The following WDR20 variants were observed in gnomAD, a reference collection of about 807,000 sequenced individuals.
WDR20 encodes the protein WD repeat-containing protein 20.
A neutral mutation model predicts 38.7 loss-of-function variants in WDR20; 3 were observed. The observed-to-expected ratio is 0.08, with a 90% CI of 0.04 to 0.20. The LOEUF is 0.20. Among genes scored for constraint, WDR20 ranks in the 10% least tolerant of loss-of-function variants. The pLI is 1.00. For synonymous variants in WDR20, 298 were observed against 285.6 expected, an observed-to-expected ratio of 1.04 and a Z score of -0.44; for missense variants, 559 against 727.7, an observed-to-expected ratio of 0.77 and a Z score of 2.67.
rs1312564856 is a variant in WDR20 at position 102,153,310 on chromosome 14, T to TC, written c.249+13138_249+13139insC. Among the ~76,000 whole-genome samples the TC allele has an allele frequency of 2.7e-5, 4 of 147,906 alleles. No individual in the cohort carries two copies. The East Asian group carries it at 7.9e-4, about 29-fold the overall frequency. On this transcript the variant is annotated intron_variant, in intron 1 of 2. Coordinates refer to ENST00000342702, the MANE Select transcript of WDR20 (RefSeq NM_144574.4). ...CATGAGCCAGTGAAACCTCTTTCTTTTTTTTTTTTTTTTTGAGATGGAGTC... is the reference window on the plus strand; with the variant it reads ...CATGAGCCAGTGAAACCTCTTTCTTTCTTTTTTTTTTTTTTGAGATGGAGTC...
chr14:102,143,096 C>T (rs1352791116), intron 1 of WDR20, among the ~76,000 whole-genome samples: 1 of 151,898 alleles, frequency 6.6e-6, no homozygotes, highest in Non-Finnish European at 1.5e-5. Flanking sequence ...GTTATTTCAC[C>T]CTCCTCAGAG....
chr14:102,208,523 A>G lies in WDR20; in HGVS notation c.433-80A>G. On this transcript the variant is annotated intron_variant, in intron 2 of 2. Transcript: ENST00000342702. The surrounding 1 kb of genome is among the most constrained non-coding windows in gnomAD (Gnocchi z 5.6). The stretch of plus-strand genomic sequence containing the variant: ...ATAGACTTGCCCCTTCCCATCGAGA[A>G]GCACACAAGTTTTCTTGCTGGAAAA... The G allele has an allele frequency of 6.6e-7, 1 of 1,505,470 alleles. No individual in the cohort carries two copies. The allele number at this position is 1,505,470 out of a possible 1,614,324, so 93.3% of individuals were successfully genotyped here. A position where few individuals can be genotyped will look rare whatever the true frequency, so the allele number is the denominator to read the frequency against.
At chr14:102,213,022 C>A (rs915884414), downstream of WDR20, 10 of 989,982 alleles carry the variant, frequency 1.0e-5, no homozygotes, top group Non-Finnish European at 1.1e-5. Flanking sequence ...CCGCTCCCAC[C>A]CGGCAAGGGG....
downstream of WDR20, chr14:102,212,374 T>G (rs2062657640): frequency 1.1e-6 from 1 of 876,456 alleles, no homozygotes; most frequent in Non-Finnish European, 1.7e-6. Flanking sequence ...CAGGGCCCAG[T>G]GGAGAGCACT....
chr14:102,218,175 TCTTA>T (rs2063457638), downstream of WDR20, among the ~76,000 whole-genome samples: 1 of 152,220 alleles, frequency 6.6e-6, no homozygotes, highest in Admixed American at 6.5e-5. Flanking sequence ...CCTGTGTGCG[TCTTA>T]CTTTTGTTTG....
At chr14:102,186,351 C>T (rs556134101) in intron 1 of WDR20, among the ~76,000 whole-genome samples, 37 of 152,258 alleles carry the variant, frequency 2.4e-4, no homozygotes, top group African/African-American at 8.2e-4. Flanking sequence ...AAACTGTTCG[C>T]CTACACATGA....
At chr14:102,186,096 A>G (rs1034605584) in intron 1 of WDR20, among the ~76,000 whole-genome samples, 1 of 152,256 alleles carries the variant, frequency 6.6e-6, no homozygotes, top group African/African-American at 2.4e-5. Flanking sequence ...ACCCAAGCCT[A>G]ACTGACTTCT....
intron 1 of WDR20, among the ~76,000 whole-genome samples, chr14:102,160,651 T>C (rs1352932503): frequency 1.3e-5 from 2 of 151,944 alleles, no homozygotes; most frequent in Admixed American, 1.3e-4. Flanking sequence ...CTTTAAAAAA[T>C]ATGAATAATG....
intron 2 of WDR20, among the ~76,000 whole-genome samples, chr14:102,199,311 T>G (rs1281852973): frequency 6.6e-6 from 1 of 151,854 alleles, no homozygotes; most frequent in Non-Finnish European, 1.5e-5. Context: ...GCAGGGTGTT[T>G]GTGAAGGGCC....
At chr14:102,147,986 C>T (rs1277009249) in intron 1 of WDR20, among the ~76,000 whole-genome samples, 1 of 152,182 alleles carries the variant, frequency 6.6e-6, no homozygotes, top group Non-Finnish European at 1.5e-5. Context: ...CTGCCTGGGC[C>T]TCCCAAAGTG....
downstream of WDR20, chr14:102,213,038 C>T: frequency 1.0e-6 from 1 of 990,884 alleles, no homozygotes; most frequent in Non-Finnish European, 1.2e-6. Flanking sequence ...AGGGGGCGAG[C>T]TGGTCCCTGG....
intron 1 of WDR20, among the ~76,000 whole-genome samples, chr14:102,181,765 C>T (rs2063441222): frequency 6.6e-6 from 1 of 151,944 alleles, no homozygotes; most frequent in Non-Finnish European, 1.5e-5. Context: ...GAGTGGTAAG[C>T]TTAGCATAGA....
At position 102,210,170 on chromosome 14, in the gene WDR20, G is replaced by T; in HGVS notation, c.*290G>T. Reference sequence around the variant, plus strand: ...CCTGTATTAGACTATTTCAATTTTAGGAAAATCATGACCATGTGGGGAAAC... The same window carrying T: ...CCTGTATTAGACTATTTCAATTTTATGAAAATCATGACCATGTGGGGAAAC... On this transcript the variant is annotated 3_prime_UTR_variant, in exon 3 of 3. Coordinates refer to ENST00000342702, the MANE Select transcript of WDR20 (RefSeq NM_144574.4). The T allele has an allele frequency of 9.2e-7, 1 of 1,087,326 alleles. No homozygotes were observed. Among genetic ancestry groups the T allele is most frequent in the Non-Finnish European group, 1.1e-6 (1 of 895,760 alleles). 67.4% of individuals were successfully genotyped at this position (1,087,326 alleles called of 1,614,324 possible).
At chr14:102,219,374 G>C (rs577942558), downstream of WDR20, among the ~76,000 whole-genome samples, 42 of 152,334 alleles carry the variant, frequency 2.8e-4, no homozygotes, top group Non-Finnish European at 4.4e-5. Flanking sequence ...AGGGCGCCGA[G>C]GCCCCTTCCC....
intron 1 of WDR20, among the ~76,000 whole-genome samples, chr14:102,165,257 C>G (rs2059524634): frequency 6.6e-6 from 1 of 152,172 alleles, no homozygotes; most frequent in Admixed American, 6.5e-5. Flanking sequence ...TCTGCTGCTG[C>G]TTGGGTGGCT....
At chr14:102,172,130 A>G (rs2060959053) in intron 1 of WDR20, among the ~76,000 whole-genome samples, 1 of 151,506 alleles carries the variant, frequency 6.6e-6, no homozygotes, top group East Asian at 1.9e-4. Flanking sequence ...GCTGCCTTCA[A>G]GCATCTGTTT....
chr14:102,197,740 A>G (rs1380497321), intron 2 of WDR20: 2 of 699,918 alleles, frequency 2.9e-6, no homozygotes, highest in South Asian at 1.5e-5. Flanking sequence ...GACAGGATCA[A>G]ATGTGTTTTT....
intron 1 of WDR20, among the ~76,000 whole-genome samples, chr14:102,174,282 T>C (rs1021591606): frequency 6.6e-6 from 1 of 152,206 alleles, no homozygotes; most frequent in Non-Finnish European, 1.5e-5. Flanking sequence ...CTGGATCAAA[T>C]GGAAGATCTA....
At chr14:102,218,413 G>A (rs2063486576), downstream of WDR20, among the ~76,000 whole-genome samples, 1 of 152,214 alleles carries the variant, frequency 6.6e-6, no homozygotes, top group African/African-American at 2.4e-5. Context: ...GCCTGACAGA[G>A]CTTCAGGACA....
Sources: allele counts gnomAD v4.1 joint callset (sites outside exome capture counted in the v4.1 genomes callset), GRCh38; gene constraint gnomAD v4.1.1; non-coding constraint Gnocchi (gnomAD v3.1); transcripts MANE v1.5; gene names NCBI Gene and HGNC (gene_info 2026-07-23, HGNC 2026-07-21).